Variants in MYH9 observed in about 807,000 individuals in gnomAD.
The protein encoded by MYH9 is myosin-9.
A neutral mutation model predicts 241.9 loss-of-function variants in MYH9; 29 were observed. The ratio of observed to expected loss-of-function variants is 0.12; its 90% CI spans 0.09 to 0.16. The LOEUF is 0.16. Among genes scored for constraint, MYH9 ranks in the 10% least tolerant of loss-of-function variants. The pLI is 1.00. For synonymous variants in MYH9, 1,047 were observed against 1,062.6 expected, an observed-to-expected ratio of 0.99 and a Z score of 0.29; for missense variants, 1,803 against 2,595.5, an observed-to-expected ratio of 0.69 and a Z score of 6.63.
chr22:36,319,421 C>T (rs763720618), intron 10 of MYH9, 119 bp downstream of exon 10: 15 of 947,312 alleles, frequency 1.6e-5, no homozygotes, highest in East Asian at 2.6e-5. Flanking sequence ...TAGAAAATAC[C>T]GACAGATACT....
chr22:36,318,845 C>A (rs2017203233), intron 10 of MYH9, among the ~76,000 whole-genome samples: 1 of 152,046 alleles, frequency 6.6e-6, no homozygotes, highest in South Asian at 2.1e-4. Context: ...CTCACTGCAA[C>A]CCCTACCTCC....
chr22:36,383,921 C>G (rs1001327167), intron 1 of MYH9, among the ~76,000 whole-genome samples: 5 of 148,980 alleles, frequency 3.4e-5, no homozygotes, highest in African/African-American at 1.2e-4. Flanking sequence ...GATAGTGCCA[C>G]TGCACTCCAG....
chr22:36,322,380 C>T (rs913121791), intron 6 of MYH9, 49 bp downstream of exon 6: 8 of 1,592,438 alleles, frequency 5.0e-6, no homozygotes, highest in Admixed American at 1.7e-5. Flanking sequence ...GCCAAAGCTC[C>T]GGGCAAGGCC....
Position 36,340,990 on chromosome 22 carries a change from C to T in MYH9, c.490+380G>A, listed in dbSNP as rs530443150. On this transcript the variant is annotated intron_variant, in intron 3 of 40. Transcript: ENST00000216181. ...TGTGTAGAGATGGGAAGAACTCGAACGTGTTTCTAGACTGTGGGGAAGAAG... is the reference window on the plus strand; with the variant it reads ...TGTGTAGAGATGGGAAGAACTCGAATGTGTTTCTAGACTGTGGGGAAGAAG... Among the ~76,000 whole-genome samples the T allele has an allele frequency of 3.0e-4, 45 of 151,928 alleles. No homozygotes were observed. The South Asian group carries it at 7.1e-3, about 24-fold the overall frequency.
At chr22:36,382,621 G>C (rs2018276976) in intron 1 of MYH9, among the ~76,000 whole-genome samples, 1 of 152,054 alleles carries the variant, frequency 6.6e-6, no homozygotes, top group African/African-American at 2.4e-5. Context: ...TGGCCAACGT[G>C]GTGAAACCCC....
At chr22:36,385,765 T>C (rs2018342060) in intron 1 of MYH9, among the ~76,000 whole-genome samples, 1 of 152,176 alleles carries the variant, frequency 6.6e-6, no homozygotes, top group African/African-American at 2.4e-5. Flanking sequence ...TGAAGTTCTT[T>C]GGTGTCACCC....
intron 7 of MYH9, 74 bp downstream of exon 7, chr22:36,321,684 G>A: frequency 7.3e-7 from 1 of 1,363,534 alleles, no homozygotes; most frequent in Admixed American, 1.7e-5. Context: ...GAATCAGGAG[G>A]CAGCTTCTTC....
chr22:36,367,641 C>T (rs1014980613), intron 1 of MYH9, among the ~76,000 whole-genome samples: 10 of 152,180 alleles, frequency 6.6e-5, no homozygotes, highest in African/African-American at 2.4e-4. Flanking sequence ...GCAGCCTGGC[C>T]GGCAGGATGA....
rs773227499 is a variant in MYH9 at position 36,300,882 on chromosome 22, G to A, written c.2807C>T (p.Ala936Val). The A allele has an allele frequency of 2.7e-5, 43 of 1,603,972 alleles. No homozygotes were observed. In the South Asian group the frequency reaches 3.3e-4, roughly 12 times the overall value. The change falls in exon 22 of 41, where the codon GCG becomes GTG. Residue 936 changes from alanine to valine, a missense_variant. By Grantham distance (64) the Ala-to-Val change is moderately conservative. Around this residue, in one of 11 missense-constraint regions of MYH9, gnomAD observed 290 missense variants for 360.5 expected, o/e 0.80. Coordinates refer to ENST00000216181, the MANE Select transcript of MYH9 (RefSeq NM_002473.6). This position sits in a 1 kb window ranked among gnomAD's most constrained non-coding sequence, Gnocchi z 5.0. Reference protein sequence around the residue: ...EEEERCQHLQAEKKKMQQNIQ... With the variant: ...EEEERCQHLQVEKKKMQQNIQ... The stretch of plus-strand genomic sequence containing the variant: ...GTTCTGCTGCATCTTCTTCTTCTCC[G>A]CCTGCAGGTGCTGGCAGCGCTCCTC...
chr22:36,372,676 G>C (rs1046237749), intron 1 of MYH9, among the ~76,000 whole-genome samples: 1 of 152,156 alleles, frequency 6.6e-6, no homozygotes, highest in Non-Finnish European at 1.5e-5. Context: ...GGCTGGAGGG[G>C]AGGACGCAAG....
intron 11 of MYH9, 142 bp from the exon 12 acceptor site, chr22:36,316,811 G>C (rs1019298942): frequency 1.1e-6 from 1 of 880,418 alleles, no homozygotes; most frequent in African/African-American, 1.7e-5. Context: ...AAAAATCTTC[G>C]TACACAAATA....
At position 36,288,423 on chromosome 22, in the gene MYH9, G is replaced by A. The variant is rs1446157881; in HGVS notation, c.4771-10C>T. 3.1e-6 allele frequency: 5 copies of A among 1,607,308 alleles called. No individual in the cohort carries two copies. In the South Asian group the frequency reaches 4.4e-5, roughly 14 times the overall value. ...CCTCCATCTCCCGCACCTGGGGGAA[G>A]GAACATCAACAACTTGGGAAGCTGG... On this transcript the variant is annotated splice_polypyrimidine_tract_variant and intron_variant, in intron 33 of 40. Coordinates refer to ENST00000216181, the MANE Select transcript of MYH9 (RefSeq NM_002473.6). The surrounding 1 kb of genome is among the most constrained non-coding windows in gnomAD (Gnocchi z 4.8).
Position 36,306,400 on chromosome 22 carries a change from C to T in MYH9, c.2037+14G>A, listed in dbSNP as rs727504713. Reference sequence around the variant, plus strand: ...ACAGTGCCCTGCCCGGGCCACCCCACCAGGCAGCCGCACCTTCTTCTCGTG... The same window carrying T: ...ACAGTGCCCTGCCCGGGCCACCCCATCAGGCAGCCGCACCTTCTTCTCGTG... On this transcript the variant is annotated intron_variant, in intron 16 of 40. Coordinates refer to ENST00000216181, the MANE Select transcript of MYH9 (RefSeq NM_002473.6). The surrounding 1 kb of genome is among the most constrained non-coding windows in gnomAD (Gnocchi z 4.1). The T allele has an allele frequency of 7.4e-6, 12 of 1,613,892 alleles. No homozygotes were observed. Among genetic ancestry groups the T allele is most frequent in the African/African-American group, 2.7e-5 (2 of 74,928 alleles).
In MYH9 at chr22:36,301,057, G is replaced by C; in HGVS notation, c.2632C>G (p.Leu878Val). The change falls in exon 22 of 41, where the codon CTC becomes GTC. Residue 878 changes from leucine (L) to valine (V), a missense_variant and splice_region_variant. By Grantham distance (32) the Leu-to-Val change is conservative (BLOSUM62 1). Coordinates refer to ENST00000216181, the MANE Select transcript of MYH9 (RefSeq NM_002473.6). ...TGCAGCTGCAATTTCTCTGCCATGA[G>C]CTGCAAACAACAAGTGGAAAACACA... ...LTEMETLQSQ[L>V]MAEKLQLQEQ... is the part of the protein sequence containing the mutation. The C allele has an allele frequency of 6.2e-7, 1 of 1,609,032 alleles. No homozygotes were observed. Among genetic ancestry groups the C allele is most frequent in the Non-Finnish European group, 8.5e-7 (1 of 1,179,958 alleles).
chr22:36,362,049 A>G (rs1389044395), intron 1 of MYH9, among the ~76,000 whole-genome samples: 1 of 152,120 alleles, frequency 6.6e-6, no homozygotes, highest in Non-Finnish European at 1.5e-5. Flanking sequence ...AGCCTGGGGG[A>G]CAGAGCGAGA....
intron 1 of MYH9, among the ~76,000 whole-genome samples, chr22:36,356,439 G>T (rs757747265): frequency 6.6e-6 from 1 of 151,982 alleles, no homozygotes; most frequent in African/African-American, 2.4e-5. Context: ...AACTTAGCCA[G>T]GCGTGGTGGC....
At chr22:36,379,234 G>T (rs951540067) in intron 1 of MYH9, among the ~76,000 whole-genome samples, 3 of 152,214 alleles carry the variant, frequency 2.0e-5, no homozygotes, top group African/African-American at 7.2e-5. Context: ...GAGGCCAGGC[G>T]TGGTGGCTCA....
chr22:36,385,009 C>T (rs1397170706), intron 1 of MYH9, among the ~76,000 whole-genome samples: 1 of 152,120 alleles, frequency 6.6e-6, no homozygotes, highest in East Asian at 1.9e-4. Context: ...TGGGGCTGCA[C>T]AAAGGGAAAT....
At chr22:36,357,602 C>T (rs1391680453) in intron 1 of MYH9, among the ~76,000 whole-genome samples, 3 of 152,108 alleles carry the variant, frequency 2.0e-5, no homozygotes, top group African/African-American at 7.2e-5. Context: ...CCGGTTGAGC[C>T]CACTGATTGA....
Sources: gnomAD v4.1 joint callset for allele counts (sites outside exome capture counted in the v4.1 genomes callset) on GRCh38, gnomAD v4.1.1 for gene constraint, gnomAD v4.1.1 regional missense constraint, Gnocchi (gnomAD v3.1) non-coding constraint, MANE v1.5 for transcripts, NCBI Gene and HGNC (gene_info 2026-07-23, HGNC 2026-07-21) for gene names.